RBFOX1: variants seen among roughly 807,000 people sequenced by gnomAD.
The protein encoded by RBFOX1 is RNA binding protein fox-1 homolog 1.
Under a neutral mutation model 57.7 loss-of-function variants are expected in RBFOX1, and 8 were observed. The observed-to-expected ratio is 0.14, with a 90% CI of 0.08 to 0.25. RBFOX1 has a LOEUF of 0.25. Among genes scored for constraint, RBFOX1 ranks in the 10% least tolerant of loss-of-function variants. The probability of loss-of-function intolerance (pLI) is 1.00; values close to 1 mark genes in which losing one functional copy is unlikely to be tolerated. For synonymous variants in RBFOX1, 326 were observed against 222.4 expected, an observed-to-expected ratio of 1.47 and a Z score of -4.15; for missense variants, 611 against 548.5, an observed-to-expected ratio of 1.11 and a Z score of -1.14.
At chr16:5,454,022 A>C (rs1045875890) in intron 1 of RBFOX1, among the ~76,000 whole-genome samples, 4 of 152,188 alleles carry the variant, frequency 2.6e-5, no homozygotes, top group African/African-American at 9.6e-5. Context: ...GTGACTAAAG[A>C]GAGGGAGGGA....
chr16:7,073,632 C>G (rs968307275), intron 4 of RBFOX1, among the ~76,000 whole-genome samples: 1 of 151,924 alleles, frequency 6.6e-6, no homozygotes, highest in South Asian at 2.1e-4. Context: ...GCACTTGAGC[C>G]CAAGACTTCA....
At chr16:7,607,154 C>G in intron 9 of RBFOX1, 131 bp from the exon 10 acceptor site, 1 of 734,848 alleles carries the variant, frequency 1.4e-6, no homozygotes, top group East Asian at 3.0e-5. Context: ...TATGCATGCC[C>G]AAACGACACC....
At chr16:6,090,927 AT>A (rs2096162718) in intron 1 of RBFOX1, among the ~76,000 whole-genome samples, 1 of 152,226 alleles carries the variant, frequency 6.6e-6, no homozygotes, top group African/African-American at 2.4e-5. Context: ...AAAAGTATTG[AT>A]TCATATGGTT....
At chr16:6,076,348 A>G (rs2095900686) in intron 1 of RBFOX1, among the ~76,000 whole-genome samples, 1 of 136,792 alleles carries the variant, frequency 7.3e-6, no homozygotes, top group Non-Finnish European at 1.5e-5. Flanking sequence ...ACACACACAT[A>G]CACACACACA....
chr16:6,930,471 G>T (rs1457215161), intron 3 of RBFOX1, among the ~76,000 whole-genome samples: 1 of 152,106 alleles, frequency 6.6e-6, no homozygotes, highest in Non-Finnish European at 1.5e-5. Context: ...GCGCAGTGGT[G>T]TGATCTCGGC....
chr16:6,586,738 C>T (rs1311687320), intron 2 of RBFOX1, among the ~76,000 whole-genome samples: 3 of 152,178 alleles, frequency 2.0e-5, no homozygotes, highest in African/African-American at 7.2e-5. Flanking sequence ...AGAACCTTCT[C>T]TTCAGTGGTT....
chr16:6,121,646 C>G (rs569936967), intron 1 of RBFOX1, among the ~76,000 whole-genome samples: 1 of 152,130 alleles, frequency 6.6e-6, no homozygotes, highest in Non-Finnish European at 1.5e-5. Flanking sequence ...GACATCTGTT[C>G]CTCTGGGAGC....
intron 3 of RBFOX1, among the ~76,000 whole-genome samples, chr16:6,697,087 C>T (rs917501027): frequency 6.6e-6 from 1 of 152,142 alleles, no homozygotes; most frequent in African/African-American, 2.4e-5. Flanking sequence ...TTCAGAATTT[C>T]TTCTGGGGAA....
In RBFOX1 at chr16:6,826,196, T is replaced by C. The variant is rs114945517; in HGVS notation, c.-16+171546T>C. 6.5e-3 allele frequency among the ~76,000 whole-genome samples: 990 copies of C among 152,202 alleles called. 12 individuals are homozygous for C. The highest frequency in any genetic ancestry group is 0.023 in the African/African-American group (939 of 41,520). ...ATCGTCGCCACGTAGGTTGTATGTA[T>C]TGAGTCAGTCGACGCATGTAAGAGC... On this transcript the variant is annotated intron_variant, in intron 3 of 15. Coordinates refer to ENST00000550418, the MANE Select transcript of RBFOX1 (RefSeq NM_018723.4).
chr16:5,832,658 A>G (rs1185510437), intron 3 of RBFOX1, among the ~76,000 whole-genome samples: 1 of 152,148 alleles, frequency 6.6e-6, no homozygotes, highest in Non-Finnish European at 1.5e-5. Flanking sequence ...CAGGTGTGCA[A>G]TTGTGGGTCA....
chr16:7,316,303 G>T (rs1296457708), intron 4 of RBFOX1, among the ~76,000 whole-genome samples: 2 of 152,204 alleles, frequency 1.3e-5, no homozygotes, highest in East Asian at 1.9e-4. Context: ...TATTGGAGAA[G>T]AGAAATGCTA....
intron 4 of RBFOX1, among the ~76,000 whole-genome samples, chr16:5,921,892 C>T (rs950232093): frequency 6.6e-6 from 1 of 152,016 alleles, no homozygotes; most frequent in East Asian, 1.9e-4. Context: ...TGGCTTAGGC[C>T]TGTAATCCCA....
At chr16:5,999,833 G>A (rs377226018) in intron 4 of RBFOX1, among the ~76,000 whole-genome samples, 8,930 of 117,594 alleles carry the variant, frequency 0.076, 570 homozygotes, top group East Asian at 0.41. Flanking sequence ...GCACCACTGC[G>A]CTCCAGCCTG....
chr16:7,519,341 A>G (rs1271082973), intron 5 of RBFOX1, among the ~76,000 whole-genome samples: 1 of 152,168 alleles, frequency 6.6e-6, no homozygotes, highest in Non-Finnish European at 1.5e-5. Context: ...GGGGCTAGAA[A>G]GAGGCAGGGT....
At chr16:7,116,325 T>A (rs1221166433) in intron 4 of RBFOX1, among the ~76,000 whole-genome samples, 1 of 152,148 alleles carries the variant, frequency 6.6e-6, no homozygotes, top group Non-Finnish European at 1.5e-5. Context: ...AAAATTGTCC[T>A]CATGAGCAGT....
intron 2 of RBFOX1, among the ~76,000 whole-genome samples, chr16:6,366,387 C>G (rs752890615): frequency 1.7e-4 from 26 of 152,250 alleles, no homozygotes; most frequent in East Asian, 3.9e-4. Flanking sequence ...AAAAATTCCT[C>G]TGACATTTCT....
intron 1 of RBFOX1, among the ~76,000 whole-genome samples, chr16:5,414,063 C>G (rs1225581042): frequency 6.6e-6 from 1 of 152,134 alleles, no homozygotes; most frequent in Non-Finnish European, 1.5e-5. Context: ...GAATGGTGGC[C>G]TCTTCTTTGG....
At chr16:7,470,271 T>G (rs969655386) in intron 4 of RBFOX1, among the ~76,000 whole-genome samples, 2 of 152,210 alleles carry the variant, frequency 1.3e-5, no homozygotes, top group African/African-American at 4.8e-5. Flanking sequence ...GACTTCCACA[T>G]CCTTAGTGCA....
At chr16:6,943,705 C>T (rs1049898786) in intron 3 of RBFOX1, among the ~76,000 whole-genome samples, 7 of 128,212 alleles carry the variant, frequency 5.5e-5, no homozygotes, top group African/African-American at 1.9e-4. Flanking sequence ...GAGACTCTGT[C>T]TTTAAAAAAA....
Sources: gnomAD v4.1 joint callset for allele counts (sites outside exome capture counted in the v4.1 genomes callset) on GRCh38, gnomAD v4.1.1 for gene constraint, MANE v1.5 for transcripts, NCBI Gene and HGNC (gene_info 2026-07-23, HGNC 2026-07-21) for gene names.